The following FGF12 variants were observed in gnomAD, a reference collection of about 807,000 sequenced individuals.
The protein encoded by FGF12 is fibroblast growth factor 12B.
In FGF12, 14 loss-of-function variants were observed where a neutral mutation model predicts 23.6. The observed-to-expected ratio is 0.59, with a 90% CI of 0.39 to 0.93. The LOEUF (loss-of-function observed/expected upper bound fraction) is 0.93. Among genes scored for constraint, FGF12 ranks in the 40% least tolerant of loss-of-function variants. FGF12 has a pLI of 0.00. For synonymous variants in FGF12, 62 were observed against 77.3 expected (o/e 0.80, Z 1.04); for missense variants, 175 against 217.8 (o/e 0.80, Z 1.24).
At chr3:192,172,200 C>A (rs759271118) in intron 4 of FGF12, among the ~76,000 whole-genome samples, 4 of 139,228 alleles carry the variant, frequency 2.9e-5, no homozygotes, top group Non-Finnish European at 6.5e-5. Flanking sequence ...ACCAGCCTGG[C>A]CAACATGGTG....
At chr3:192,270,797 AAGGAAGG>A (rs1713384226) in intron 4 of FGF12, among the ~76,000 whole-genome samples, 1 of 67,764 alleles carries the variant, frequency 1.5e-5, no homozygotes, top group African/African-American at 4.9e-5. Context: ...GGAAGGAAGG[AAGGAAGG>A]AAGGAAGGAA....
At chr3:192,250,140 T>C (rs1322383230) in intron 4 of FGF12, among the ~76,000 whole-genome samples, 2 of 152,162 alleles carry the variant, frequency 1.3e-5, no homozygotes, top group African/African-American at 2.4e-5. Flanking sequence ...CAAATAACAT[T>C]TATATTAAAT....
chr3:192,268,333 C>T (rs1027698709), intron 4 of FGF12, among the ~76,000 whole-genome samples: 4 of 152,160 alleles, frequency 2.6e-5, no homozygotes, highest in Non-Finnish European at 5.9e-5. Context: ...AGATTTAACA[C>T]CAGAACTCTA....
At chr3:192,524,167 T>G (rs1274724077) in intron 2 of FGF12, among the ~76,000 whole-genome samples, 1 of 152,212 alleles carries the variant, frequency 6.6e-6, no homozygotes, top group African/African-American at 2.4e-5. Context: ...TAGTGCAACA[T>G]TCTCCAAAAG....
chr3:192,570,854 A>G lies in FGF12; in HGVS notation c.13+156327T>C, dbSNP rs1467974936. 5.3e-5 allele frequency among the ~76,000 whole-genome samples: 8 copies of G among 152,226 alleles called. No individual in the cohort carries two copies. The East Asian group carries it at 1.5e-3, about 29-fold the overall frequency. On this transcript the variant is annotated intron_variant, in intron 2 of 5. Transcript: ENST00000445105. Reference sequence around the variant, plus strand: ...AAACTAAATAAAAAATAAGATTATAACCTTAGCACATCCCTTTTTAATAAC... The same window carrying G: ...AAACTAAATAAAAAATAAGATTATAGCCTTAGCACATCCCTTTTTAATAAC...
At chr3:192,540,563 G>C (rs1344813099) in intron 2 of FGF12, among the ~76,000 whole-genome samples, 1 of 152,016 alleles carries the variant, frequency 6.6e-6, no homozygotes, top group East Asian at 1.9e-4. Flanking sequence ...CCTGACATAA[G>C]GTATATCCTT....
intron 2 of FGF12, among the ~76,000 whole-genome samples, chr3:192,577,656 T>C (rs1712967505): frequency 6.6e-6 from 1 of 152,220 alleles, no homozygotes; most frequent in Non-Finnish European, 1.5e-5. Flanking sequence ...AAGACTAAAG[T>C]GATATGATTG....
At chr3:192,727,091 G>T in intron 2 of FGF12, 90 bp downstream of exon 2, 2 of 1,482,054 alleles carry the variant, frequency 1.3e-6, no homozygotes, top group Non-Finnish European at 1.8e-6. Flanking sequence ...TATGATGCTC[G>T]CTCCCCAAGC....
chr3:192,708,215 TC>T (rs1159726074), intron 2 of FGF12, among the ~76,000 whole-genome samples: 1 of 152,048 alleles, frequency 6.6e-6, no homozygotes, highest in Non-Finnish European at 1.5e-5. Flanking sequence ...CACCTCGGCC[TC>T]CCAAAGTGCT....
chr3:192,710,342 TC>T (rs1230106023), intron 2 of FGF12, among the ~76,000 whole-genome samples: 2 of 152,262 alleles, frequency 1.3e-5, no homozygotes, highest in African/African-American at 4.8e-5. Flanking sequence ...GCTTTTACTT[TC>T]ATTCCTACTT....
At position 192,558,531 on chromosome 3, in the gene FGF12, A is replaced by G. The variant is rs559042308; in HGVS notation, c.13+168650T>C. Among the ~76,000 whole-genome samples, 141 of 152,026 alleles carry G rather than the reference A, an allele frequency of 9.3e-4. 1 individual carries two copies. The highest frequency in any genetic ancestry group is 1.8e-3 in the Non-Finnish European group (120 of 67,810). ...CCAAAGTGACCGAAAGATTTAATGT[A>G]ATTGCTATCAAAATCCCACTGGCAT... On this transcript the variant is annotated intron_variant, in intron 2 of 5. Transcript: ENST00000445105.
chr3:192,474,719 C>G (rs1056507592), intron 2 of FGF12, among the ~76,000 whole-genome samples: 20 of 152,006 alleles, frequency 1.3e-4, no homozygotes, highest in Admixed American at 1.2e-3. Flanking sequence ...AACCCTGTCT[C>G]TACTAAAAAC....
intron 2 of FGF12, among the ~76,000 whole-genome samples, chr3:192,633,136 C>A (rs1247801075): frequency 1.3e-5 from 2 of 152,142 alleles, no homozygotes; most frequent in African/African-American, 4.8e-5. Flanking sequence ...ACTTCCACCT[C>A]CCAGGTTCAA....
At chr3:192,176,123 A>G (rs932513702) in intron 4 of FGF12, among the ~76,000 whole-genome samples, 1 of 152,230 alleles carries the variant, frequency 6.6e-6, no homozygotes, top group African/African-American at 2.4e-5. Context: ...AAAATGCTGT[A>G]TCTTTTCAGG....
At position 192,511,222 on chromosome 3, in the gene FGF12, TACACACACACAC is replaced by T. The variant is rs5855433; in HGVS notation, c.14-150696_14-150685del. Among the ~76,000 whole-genome samples, 14 of 149,670 alleles carry T rather than the reference TACACACACACAC, an allele frequency of 9.4e-5. No homozygotes were observed. The South Asian group carries it at 1.1e-3, about 11-fold the overall frequency. On this transcript the variant is annotated intron_variant, in intron 2 of 5. Transcript: ENST00000445105. ...AGGCAAGCAAGGAAGCAATTGTGTG[TACACACACACAC>T]ACACACACACACACACACACCTGCT...
intron 2 of FGF12, among the ~76,000 whole-genome samples, chr3:192,569,343 G>A (rs1487903425): frequency 6.6e-6 from 1 of 152,156 alleles, no homozygotes; most frequent in African/African-American, 2.4e-5. Flanking sequence ...GTGGATTTGA[G>A]TCATTCCTCA....
intron 2 of FGF12, among the ~76,000 whole-genome samples, chr3:192,713,491 T>C (rs1011488912): frequency 6.6e-6 from 1 of 152,204 alleles, no homozygotes; most frequent in Non-Finnish European, 1.5e-5. Flanking sequence ...TCAAATGTTA[T>C]GCATGAGAGA....
intron 5 of FGF12, among the ~76,000 whole-genome samples, chr3:192,146,117 A>G (rs953015814): frequency 1.3e-5 from 2 of 152,182 alleles, no homozygotes; most frequent in Non-Finnish European, 2.9e-5. Context: ...GAAAACTTAC[A>G]CATCTGCAGG....
Position 192,409,397 on chromosome 3 carries a change from G to A in FGF12, c.14-48859C>T, listed in dbSNP as rs1401688422. On this transcript the variant is annotated intron_variant, in intron 2 of 5. Transcript: ENST00000445105. The surrounding 1 kb of genome is among the most constrained non-coding windows in gnomAD (Gnocchi z 4.8). ...GAGCTGGTCTCCGCACAGGCTCAGA[G>A]GGAGCGAGGGAAGGGAGGGAAGGAA... Among the ~76,000 whole-genome samples the A allele has an allele frequency of 6.6e-6, 1 of 152,214 alleles. No individual in the cohort carries two copies. Among genetic ancestry groups the A allele is most frequent in the Non-Finnish European group, 1.5e-5 (1 of 68,032 alleles).
Sources: gnomAD v4.1 joint callset for allele counts (sites outside exome capture counted in the v4.1 genomes callset) on GRCh38, gnomAD v4.1.1 for gene constraint, Gnocchi (gnomAD v3.1) non-coding constraint, MANE v1.5 for transcripts, NCBI Gene and HGNC (gene_info 2026-07-23, HGNC 2026-07-21) for gene names.